Variants in TRPC5 observed in about 807,000 individuals in gnomAD.
TRPC5 encodes transient receptor potential cation channel subfamily C member 5.
A neutral mutation model predicts 56.5 loss-of-function variants in TRPC5; 9 were observed. The observed-to-expected ratio is 0.16, with a 90% CI of 0.10 to 0.28. The LOEUF is 0.28. Ranked by LOEUF, TRPC5 falls within the 10% of genes least tolerant of loss-of-function variation. The pLI, the probability that TRPC5 is intolerant of heterozygous loss-of-function variation, is 1.00. For synonymous variants in TRPC5, 282 were observed against 278.5 expected (o/e 1.01, Z -0.13); for missense variants, 469 against 748.9 (o/e 0.63, Z 4.36).
In TRPC5 at chrX:111,771,114, G is replaced by T. The variant is rs754264628; in HGVS notation, c.*5199C>A. ...GGAGTTATAAAGAAAGTTCTTTGAG[G>T]GGGAGGAGGGTAGGACAGATACATG... On this transcript the variant is annotated 3_prime_UTR_variant, in exon 11 of 11. Coordinates refer to ENST00000262839, the MANE Select transcript of TRPC5 (RefSeq NM_012471.3). Among the ~76,000 whole-genome samples, 8 of 111,530 alleles carry T rather than the reference G, an allele frequency of 7.2e-5. No individual in the cohort carries two copies. In the South Asian group the frequency reaches 2.7e-3, roughly 37 times the overall value.
intron 5 of TRPC5, among the ~76,000 whole-genome samples, chrX:111,849,968 C>A (rs1260782677): frequency 8.9e-6 from 1 of 111,821 alleles, no homozygotes; most frequent in Non-Finnish European, 1.9e-5. Flanking sequence ...GGCCTCCTTG[C>A]CTTTCAAAGG....
chrX:111,819,026 G>A (rs776769240), intron 7 of TRPC5, among the ~76,000 whole-genome samples: 1 of 112,009 alleles, frequency 8.9e-6, no homozygotes, highest in South Asian at 3.7e-4. Context: ...AAGATGTACA[G>A]CTAGAAACTG....
Position 111,847,432 on chromosome X carries a change from T to A in TRPC5, c.1382A>T (p.Asn461Ile). The A allele has an allele frequency of 8.3e-7, 1 of 1,203,894 alleles. No individual in the cohort carries two copies. Among genetic ancestry groups the A allele is most frequent in the Admixed American group, 2.2e-5 (1 of 45,731 alleles). The change falls in exon 6 of 11, where the codon AAT (asparagine) becomes ATT (isoleucine). Residue 461 changes from asparagine (N) to isoleucine (I), a missense_variant. Asn to Ile is a moderately radical substitution (Grantham distance 149, BLOSUM62 -3). This residue lies in a region of TRPC5 where 157 missense variants were observed against 360.0 expected (regional missense o/e 0.44). Transcript: ENST00000262839. ...SLKIVAYVKY[N>I]GSRPREEWEM... The stretch of plus-strand genomic sequence containing the variant: ...CCATTCCTCCCTTGGACGAGAACCA[T>A]TATACTGAAAGAAACAACAAGTGCA...
intron 1 of TRPC5, among the ~76,000 whole-genome samples, chrX:111,971,981 A>G (rs1408762928): frequency 9.0e-6 from 1 of 110,993 alleles, no homozygotes; most frequent in African/African-American, 3.3e-5. Flanking sequence ...ACTCAATTCA[A>G]TCCTCCTTCT....
intron 1 of TRPC5, among the ~76,000 whole-genome samples, chrX:112,064,924 A>G (rs1164201421): frequency 9.1e-6 from 1 of 110,283 alleles, no homozygotes; most frequent in Admixed American, 9.6e-5. Context: ...AATACAAAAA[A>G]TTAGCCAGGC....
In TRPC5 at chrX:111,883,440, G is replaced by A. The variant is rs751967994; in HGVS notation, c.900+28851C>T. The stretch of plus-strand genomic sequence containing the variant: ...CTAGCAAGATCATAAGTATAGTTTA[G>A]TCCTAGTCAGAACTTAGTTAAGACT... On this transcript the variant is annotated intron_variant, in intron 3 of 10. Transcript: ENST00000262839. 9.8e-5 allele frequency among the ~76,000 whole-genome samples: 11 copies of A among 112,466 alleles called. No homozygotes were observed. In the South Asian group the frequency reaches 1.8e-3, roughly 19 times the overall value.
chrX:112,053,338 C>T (rs1264520171), intron 1 of TRPC5, among the ~76,000 whole-genome samples: 3 of 111,282 alleles, frequency 2.7e-5, no homozygotes, highest in African/African-American at 6.5e-5. Flanking sequence ...TATGTGACTT[C>T]GATATTTTGA....
rs749200248 is a variant in TRPC5 at position 111,875,802 on chromosome X, A to T, written c.901-21696T>A. On this transcript the variant is annotated intron_variant, in intron 3 of 10. Coordinates refer to ENST00000262839, the MANE Select transcript of TRPC5 (RefSeq NM_012471.3). ...GTTGATGCCTCTGATTAGATCCTCA[A>T]CTCCTTTAGGGTAGCAACCATGGCT... 6.5e-5 allele frequency among the ~76,000 whole-genome samples: 7 copies of T among 107,925 alleles called. No individual in the cohort carries two copies. The East Asian group carries it at 2.1e-3, about 32-fold the overall frequency. The allele number at this position is 107,925 out of a possible 115,157, so 93.7% of individuals were successfully genotyped here. A position where few individuals can be genotyped will look rare whatever the true frequency, so the allele number is the denominator to read the frequency against.
intron 1 of TRPC5, among the ~76,000 whole-genome samples, chrX:111,962,093 G>A (rs1000989833): frequency 1.3e-4 from 15 of 111,489 alleles, no homozygotes; most frequent in Non-Finnish European, 1.1e-4. Flanking sequence ...AAATGGGGAT[G>A]ATAGAAGGGG....
intron 7 of TRPC5, among the ~76,000 whole-genome samples, chrX:111,815,546 C>A (rs1211674799): frequency 3.6e-5 from 4 of 110,529 alleles, no homozygotes; most frequent in Middle Eastern, 4.2e-3. Context: ...CATGGTGAAA[C>A]CCCGTCTCTA....
chrX:111,797,498 G>A (rs7058853), intron 7 of TRPC5, among the ~76,000 whole-genome samples: 8,817 of 111,274 alleles, frequency 0.079, 885 homozygotes, highest in African/African-American at 0.27. Flanking sequence ...GGTCAAGTGT[G>A]CAGTAAGTTC....
At chrX:111,851,503 T>C (rs1161171854) in intron 5 of TRPC5, among the ~76,000 whole-genome samples, 1 of 101,457 alleles carries the variant, frequency 9.9e-6, no homozygotes, top group Non-Finnish European at 2.0e-5. Context: ...GGGAAAAGTA[T>C]TAAGGTGGTG....
intron 3 of TRPC5, among the ~76,000 whole-genome samples, chrX:111,897,006 T>C (rs1460174881): frequency 8.9e-6 from 1 of 112,260 alleles, no homozygotes; most frequent in Non-Finnish European, 1.9e-5. Flanking sequence ...ACCTTTGCTT[T>C]CTGATGGTTT....
At chrX:111,998,795 C>T (rs1358641736) in intron 1 of TRPC5, among the ~76,000 whole-genome samples, 1 of 111,879 alleles carries the variant, frequency 8.9e-6, no homozygotes, top group African/African-American at 3.3e-5. Context: ...CTGGAACCAA[C>T]TCCCCATGCA....
At chrX:111,964,644 G>A (rs893184685) in intron 1 of TRPC5, among the ~76,000 whole-genome samples, 1 of 112,553 alleles carries the variant, frequency 8.9e-6, no homozygotes, top group Non-Finnish European at 1.9e-5. Flanking sequence ...AACTCTACAA[G>A]CCAGAAGAGA....
chrX:111,971,074 G>A (rs1384258319), intron 1 of TRPC5, among the ~76,000 whole-genome samples: 2 of 111,277 alleles, frequency 1.8e-5, no homozygotes, highest in Non-Finnish European at 3.8e-5. Context: ...CACCGCGCCC[G>A]GCCACATTAC....
At chrX:111,820,553 T>C (rs1417734525) in intron 7 of TRPC5, among the ~76,000 whole-genome samples, 2 of 112,219 alleles carry the variant, frequency 1.8e-5, no homozygotes, top group Admixed American at 9.4e-5. Flanking sequence ...AGTAAATTTT[T>C]ATTGGCACAT....
intron 3 of TRPC5, among the ~76,000 whole-genome samples, chrX:111,885,324 C>A (rs1175758760): frequency 8.9e-6 from 1 of 112,022 alleles, no homozygotes; most frequent in African/African-American, 3.2e-5. Flanking sequence ...TAGTAAGAGT[C>A]TAGTTAAGGC....
chrX:112,062,702 C>T (rs1389737698), intron 1 of TRPC5, among the ~76,000 whole-genome samples: 6 of 111,868 alleles, frequency 5.4e-5, no homozygotes, highest in Non-Finnish European at 1.1e-4. Context: ...AGAGAAAGAT[C>T]ATACTCAAAA....
Sources: gnomAD v4.1 joint callset for allele counts (sites outside exome capture counted in the v4.1 genomes callset) on GRCh38, gnomAD v4.1.1 for gene constraint, gnomAD v4.1.1 regional missense constraint, MANE v1.5 for transcripts, NCBI Gene and HGNC (gene_info 2026-07-23, HGNC 2026-07-21) for gene names.